The following SETD3 variants were observed in gnomAD, a reference collection of about 807,000 sequenced individuals.
The protein encoded by SETD3 is actin-histidine N-methyltransferase.
Under a neutral mutation model 63.0 loss-of-function variants are expected in SETD3, and 19 were observed. That is an observed-to-expected ratio of 0.30 (90% CI 0.21 to 0.44). The LOEUF (loss-of-function observed/expected upper bound fraction) is 0.44, where lower values mean the gene tolerates loss of function less well. Among genes scored for constraint, SETD3 ranks in the 20% least tolerant of loss-of-function variants. SETD3 has a pLI of 1.00. For synonymous variants in SETD3, 286 were observed against 264.1 expected (o/e 1.08, Z -0.80); for missense variants, 587 against 728.5 (o/e 0.81, Z 2.24).
At chr14:99,475,675 T>A (rs1017837522) in intron 1 of SETD3, among the ~76,000 whole-genome samples, 6 of 152,194 alleles carry the variant, frequency 3.9e-5, no homozygotes, top group Non-Finnish European at 7.3e-5. Flanking sequence ...TGTTTTTTTT[T>A]TAAGTCAACA....
chr14:99,405,483 T>A, intron 9 of SETD3, 112 bp from the exon 10 acceptor site: 1 of 1,102,182 alleles, frequency 9.1e-7, no homozygotes, highest in Non-Finnish European at 1.3e-6. Flanking sequence ...ACTAAATAGC[T>A]GAAAGTATTG....
chr14:99,413,932 G>A lies in SETD3; in HGVS notation c.678C>T (p.Thr226=), dbSNP rs764465314. The A allele has an allele frequency of 1.2e-6, 2 of 1,613,890 alleles. No homozygotes were observed. Among genetic ancestry groups the A allele is most frequent in the South Asian group, 1.1e-5 (1 of 91,076 alleles). The change falls in exon 7 of 13, where the codon ACC becomes ACT. Residue 226 remains threonine, a splice_region_variant and synonymous_variant. Transcript: ENST00000331768. ...QYAYFYKVIQ[T]HPHANKLPLK... ...AGGGTAGTTTGTTGGCATGAGGATGGGTCTGGGAATTAGAAGTTTTAGAAA... is the reference window on the plus strand; with the variant it reads ...AGGGTAGTTTGTTGGCATGAGGATGAGTCTGGGAATTAGAAGTTTTAGAAA...
intron 10 of SETD3, 134 bp downstream of exon 10, chr14:99,405,061 GGCTTAAATTT>G: frequency 8.5e-7 from 1 of 1,171,096 alleles, no homozygotes; most frequent in Non-Finnish European, 1.2e-6. Flanking sequence ...GCGTCGCCAT[GGCTTAAATTT>G]GCTGTGCCAC....
At chr14:99,427,503 T>C (rs1892947251) in intron 6 of SETD3, among the ~76,000 whole-genome samples, 1 of 152,202 alleles carries the variant, frequency 6.6e-6, no homozygotes, top group Non-Finnish European at 1.5e-5. Flanking sequence ...AAGATTTTGC[T>C]TAATCTCAAA....
rs150367780 is a variant in SETD3, at chr14:99,459,823, G to C, written c.346-638C>G. On this transcript the variant is annotated intron_variant, in intron 4 of 12. Transcript: ENST00000331768. ...ATGCACATGGCGCTCCAACATGTGG[G>C]AGACAGCAAGAGGGCAGCTGTCTGC... Among the ~76,000 whole-genome samples the C allele has an allele frequency of 2.6e-3, 403 of 152,306 alleles. 2 individuals are homozygous for C. The highest frequency in any genetic ancestry group is 9.4e-3 in the African/African-American group (390 of 41,564).
At chr14:99,440,178 G>A (rs1014793373) in intron 6 of SETD3, among the ~76,000 whole-genome samples, 7 of 152,020 alleles carry the variant, frequency 4.6e-5, no homozygotes, top group Non-Finnish European at 8.8e-5. Flanking sequence ...TGTTCTTCCC[G>A]ATGAGACTGA....
At chr14:99,404,142 C>G in intron 11 of SETD3, 83 bp downstream of exon 11, 2 of 1,109,382 alleles carry the variant, frequency 1.8e-6, no homozygotes, top group South Asian at 1.4e-5. Context: ...TCCACTTTAC[C>G]TTTAATCTGA....
intron 6 of SETD3, among the ~76,000 whole-genome samples, chr14:99,457,270 G>A (rs935765872): frequency 6.6e-6 from 1 of 152,158 alleles, no homozygotes; most frequent in African/African-American, 2.4e-5. Context: ...TAGAAAAACC[G>A]AGTGATTGAT....
At chr14:99,438,008 C>T (rs1893587084) in intron 6 of SETD3, among the ~76,000 whole-genome samples, 1 of 152,164 alleles carries the variant, frequency 6.6e-6, no homozygotes, top group African/African-American at 2.4e-5. Flanking sequence ...CACACAAGAA[C>T]AAGGACTTCA....
upstream of SETD3, among the ~76,000 whole-genome samples, chr14:99,482,417 C>T (rs1366948152): frequency 1.3e-5 from 2 of 152,150 alleles, no homozygotes; most frequent in Non-Finnish European, 2.9e-5. Context: ...TTAATAAGCC[C>T]TCTGTATTGC....
chr14:99,423,588 CAAAAAAAAAAAAAAAAAAA>C (rs536996347), intron 6 of SETD3, among the ~76,000 whole-genome samples: 11 of 36,898 alleles, frequency 3.0e-4, no homozygotes, highest in Middle Eastern at 0.036. Context: ...CACTGTTATG[CAAAAAAAAAAAAAAAAAAA>C]AAAAAAAGAG....
At chr14:99,407,727 C>T (rs1330446471) in intron 8 of SETD3, among the ~76,000 whole-genome samples, 5 of 152,132 alleles carry the variant, frequency 3.3e-5, no homozygotes, top group African/African-American at 7.2e-5. Flanking sequence ...CCTCCTTACC[C>T]TGCCCTCCTG....
intron 1 of SETD3, among the ~76,000 whole-genome samples, chr14:99,471,690 T>C (rs1190374261): frequency 6.6e-6 from 1 of 152,228 alleles, no homozygotes; most frequent in Non-Finnish European, 1.5e-5. Context: ...AATCCAGTTT[T>C]AGATAGAAAA....
upstream of SETD3, among the ~76,000 whole-genome samples, chr14:99,485,886 A>G (rs1487301417): frequency 6.6e-6 from 1 of 151,962 alleles, no homozygotes; most frequent in Non-Finnish European, 1.5e-5. Flanking sequence ...AGAATAACCT[A>G]TTTCCTAGTC....
intron 11 of SETD3, among the ~76,000 whole-genome samples, chr14:99,403,975 A>C (rs1168946189): frequency 6.6e-6 from 1 of 152,232 alleles, no homozygotes; most frequent in Non-Finnish European, 1.5e-5. Context: ...AGATGTTTTA[A>C]GTTTTCTTCA....
intron 6 of SETD3, among the ~76,000 whole-genome samples, chr14:99,420,903 C>T (rs1033597477): frequency 1.0e-4 from 13 of 126,660 alleles, no homozygotes. Context: ...TGCTGCCCAA[C>T]CACTTGTGCT....
At chr14:99,423,218 T>A (rs1458547385) in intron 6 of SETD3, among the ~76,000 whole-genome samples, 1 of 152,166 alleles carries the variant, frequency 6.6e-6, no homozygotes, top group African/African-American at 2.4e-5. Flanking sequence ...GAAAGAGCTA[T>A]AGCTCTCAAA....
In SETD3 at chr14:99,443,220, T is replaced by C. The variant is rs1375616624; in HGVS notation, c.675+15059A>G. Reference sequence around the variant, plus strand: ...CAAAAATAAAACAACCTCCTCAAATTTCTCCATAAAGCAATCTTCCTTCTC... The same window carrying C: ...CAAAAATAAAACAACCTCCTCAAATCTCTCCATAAAGCAATCTTCCTTCTC... On this transcript the variant is annotated intron_variant, in intron 6 of 12. Coordinates refer to ENST00000331768, the MANE Select transcript of SETD3 (RefSeq NM_032233.3). Among the ~76,000 whole-genome samples, 5 of 151,942 alleles carry C rather than the reference T, an allele frequency of 3.3e-5. No individual in the cohort carries two copies. The East Asian group carries it at 9.6e-4, about 29-fold the overall frequency.
chr14:99,477,193 A>G (rs904620690), intron 1 of SETD3, among the ~76,000 whole-genome samples: 2 of 152,204 alleles, frequency 1.3e-5, no homozygotes, highest in African/African-American at 4.8e-5. Flanking sequence ...AGAAGAAAAA[A>G]AAAATTGCAA....
Sources: allele counts gnomAD v4.1 joint callset (sites outside exome capture counted in the v4.1 genomes callset), GRCh38; gene constraint gnomAD v4.1.1; transcripts MANE v1.5; gene names NCBI Gene and HGNC (gene_info 2026-07-23, HGNC 2026-07-21).